The following CACNA1C variants were observed in gnomAD, a reference collection of about 807,000 sequenced individuals.
The protein encoded by CACNA1C is voltage-dependent L-type calcium channel subunit alpha-1C.
CACNA1C carries 30 observed loss-of-function variants against 229.0 expected under a neutral mutation model. The observed-to-expected ratio is 0.13, with a 90% CI of 0.10 to 0.18. CACNA1C has a LOEUF of 0.18. Among genes scored for constraint, CACNA1C ranks in the 10% least tolerant of loss-of-function variants. The pLI, the probability that CACNA1C is intolerant of heterozygous loss-of-function variation, is 1.00. For missense variants in CACNA1C, 1,658 were observed against 2,845.0 expected, an observed-to-expected ratio of 0.58 and a Z score of 9.49; for synonymous variants, 1,114 against 1,132.5, an observed-to-expected ratio of 0.98 and a Z score of 0.33.
chr12:2,355,081 C>T lies in CACNA1C; in HGVS notation c.478-93895C>T, dbSNP rs1470869610. Among the ~76,000 whole-genome samples the T allele has an allele frequency of 4.6e-5, 7 of 152,116 alleles. No homozygotes were observed. The East Asian group carries it at 5.8e-4, about 13-fold the overall frequency. On this transcript the variant is annotated intron_variant, in intron 3 of 46. Coordinates refer to ENST00000399655, the MANE Select transcript of CACNA1C (RefSeq NM_000719.7). ...CTACTGCAGCAAAACCAACTCTGCC[C>T]GCTTCCCCGGGTATTTATCATGCTT...
At chr12:2,463,387 T>A (rs1251762176) in intron 5 of CACNA1C, among the ~76,000 whole-genome samples, 1 of 152,192 alleles carries the variant, frequency 6.6e-6, no homozygotes, top group Non-Finnish European at 1.5e-5. Context: ...TTATAGCAGA[T>A]ACAGAAGTGA....
At position 2,311,465 on chromosome 12, in the gene CACNA1C, C is replaced by T. The variant is rs527638846; in HGVS notation, c.478-137511C>T. Among the ~76,000 whole-genome samples, 72 of 152,300 alleles carry T rather than the reference C, an allele frequency of 4.7e-4. 2 individuals are homozygous for T. The South Asian group carries it at 0.014, about 30-fold the overall frequency. ...CAGGGACCCTTGATTTTCACTTTCT[C>T]CCTTTACCTTCAGAAAACAGTGAAA... On this transcript the variant is annotated intron_variant, in intron 3 of 46. Coordinates refer to ENST00000399655, the MANE Select transcript of CACNA1C (RefSeq NM_000719.7).
intron 37 of CACNA1C, among the ~76,000 whole-genome samples, chr12:2,667,345 G>T (rs190254591): frequency 1.1e-4 from 11 of 99,646 alleles, no homozygotes; most frequent in African/African-American, 6.3e-4. Flanking sequence ...GGGCAATAAT[G>T]AGCTGACAGA....
chr12:2,441,209 C>T (rs879660276), intron 3 of CACNA1C, among the ~76,000 whole-genome samples: 1 of 152,188 alleles, frequency 6.6e-6, no homozygotes, highest in Non-Finnish European at 1.5e-5. Context: ...GGTGGGCACA[C>T]ACAAGCTGTC....
At position 2,550,045 on chromosome 12, in the gene CACNA1C, C is replaced by T. The variant is rs763957919; in HGVS notation, c.1481+12C>T. ...GGGGCCAGGCTGGCGTGAGTAGGCA[C>T]GGCGAGCCCAGGGGCTGGGGCTTTT... On this transcript the variant is annotated intron_variant, in intron 10 of 46. Coordinates refer to ENST00000399655, the MANE Select transcript of CACNA1C (RefSeq NM_000719.7). 36 of 1,577,114 alleles carry T rather than the reference C, an allele frequency of 2.3e-5. No individual in the cohort carries two copies. Among genetic ancestry groups the T allele is most frequent in the Non-Finnish European group, 2.9e-5 (34 of 1,155,418 alleles).
chr12:2,484,465 T>C (rs1025233631), intron 5 of CACNA1C, among the ~76,000 whole-genome samples: 2 of 152,082 alleles, frequency 1.3e-5, no homozygotes, highest in Non-Finnish European at 2.9e-5. Flanking sequence ...CTTGTCTTCA[T>C]CCTAAGAGCA....
intron 4 of CACNA1C, among the ~76,000 whole-genome samples, chr12:2,450,832 G>A (rs4765685): frequency 0.48 from 73,484 of 151,822 alleles, 18,418 homozygotes; most frequent in East Asian, 0.72. Flanking sequence ...GTGCCATCCC[G>A]GAGGAGACAC....
intron 3 of CACNA1C, among the ~76,000 whole-genome samples, chr12:2,306,312 G>T (rs902767210): frequency 6.6e-6 from 1 of 152,230 alleles, no homozygotes; most frequent in African/African-American, 2.4e-5. Flanking sequence ...GCGCTCTGCC[G>T]TCTGACACCT....
intron 3 of CACNA1C, among the ~76,000 whole-genome samples, chr12:2,229,647 G>A (rs566544381): frequency 5.3e-5 from 8 of 152,286 alleles, no homozygotes; most frequent in Middle Eastern, 3.4e-3. Flanking sequence ...GCCTCCGCAG[G>A]GGATGCCTGA....
intron 3 of CACNA1C, among the ~76,000 whole-genome samples, chr12:2,394,127 G>A (rs2098533463): frequency 6.7e-6 from 1 of 149,740 alleles, no homozygotes; most frequent in Non-Finnish European, 1.5e-5. Context: ...AAAAAAAAAG[G>A]AAAAGGAGGG....
intron 4 of CACNA1C, among the ~76,000 whole-genome samples, chr12:2,452,225 T>C (rs531716985): frequency 6.6e-6 from 1 of 152,092 alleles, no homozygotes; most frequent in Admixed American, 6.5e-5. Context: ...GCTATTCTGG[T>C]GGCACAAGAC....
At chr12:2,155,397 A>G (rs2095506068) in intron 3 of CACNA1C, among the ~76,000 whole-genome samples, 1 of 151,936 alleles carries the variant, frequency 6.6e-6, no homozygotes, top group African/African-American at 2.4e-5. Context: ...CAGTTTCCCT[A>G]TATGAAAAGA....
chr12:2,326,979 C>T (rs2096330273), intron 3 of CACNA1C, among the ~76,000 whole-genome samples: 1 of 152,138 alleles, frequency 6.6e-6, no homozygotes, highest in Non-Finnish European at 1.5e-5. Context: ...TATCAGTTAC[C>T]CTCTAGTATT....
At chr12:2,378,819 T>TTCCTTCCTTCATTCCTTC (rs745485698) in intron 3 of CACNA1C, among the ~76,000 whole-genome samples, 24 of 147,766 alleles carry the variant, frequency 1.6e-4, no homozygotes, top group African/African-American at 6.0e-4. Flanking sequence ...CCTTCCTTCC[T>TTCCTTCCTTCATTCCTTC]CTCTCTCTTT....
chr12:2,579,917 G>A (rs984918965), intron 13 of CACNA1C, among the ~76,000 whole-genome samples: 1 of 152,130 alleles, frequency 6.6e-6, no homozygotes, highest in African/African-American at 2.4e-5. Context: ...GTTGATCACC[G>A]GGCAGGCTTG....
intron 9 of CACNA1C, among the ~76,000 whole-genome samples, chr12:2,528,879 T>C (rs146183653): frequency 1.7e-4 from 26 of 152,202 alleles, no homozygotes; most frequent in East Asian, 1.5e-3. Flanking sequence ...GATCTGAGGA[T>C]GGATGTTTGG....
chr12:2,203,628 AG>A (rs1161223585), intron 3 of CACNA1C, among the ~76,000 whole-genome samples: 1 of 152,076 alleles, frequency 6.6e-6, no homozygotes, highest in Non-Finnish European at 1.5e-5. Flanking sequence ...CATTCTTAGG[AG>A]GGTTTTCTGA....
chr12:2,019,927 A>T (rs951272549), intron 1 of CACNA1C: 1 of 152,242 alleles, frequency 6.6e-6, no homozygotes, highest in East Asian at 1.9e-4. Flanking sequence ...ACTATGCAGC[A>T]TTGCACCATG....
chr12:2,401,018 C>T lies in CACNA1C; in HGVS notation c.478-47958C>T, dbSNP rs570133801. Among the ~76,000 whole-genome samples the T allele has an allele frequency of 2.6e-5, 4 of 152,320 alleles. No individual in the cohort carries two copies. In the South Asian group the frequency reaches 8.3e-4, roughly 32 times the overall value. ...CCTTCTCCCCACTGCCCTCAGACCC[C>T]CTCCCCATCTCGGCCTAGAAGCCCC... is the stretch of plus-strand genomic sequence containing the variant. On this transcript the variant is annotated intron_variant, in intron 3 of 46. Coordinates refer to ENST00000399655, the MANE Select transcript of CACNA1C (RefSeq NM_000719.7).
Sources: allele counts gnomAD v4.1 joint callset (sites outside exome capture counted in the v4.1 genomes callset), GRCh38; gene constraint gnomAD v4.1.1; transcripts MANE v1.5; gene names NCBI Gene and HGNC (gene_info 2026-07-23, HGNC 2026-07-21).